Variants in TAS2R1 observed in about 807,000 individuals in gnomAD.
TAS2R1 encodes taste 2 receptor member 1, also known as taste receptor type 2 member 1.
For synonymous variants in TAS2R1, 141 were observed against 134.2 expected (o/e 1.05, Z -0.35); for missense variants, 370 against 353.4 (o/e 1.05, Z -0.38).
At chr5:9,902,586 G>A in the TAS2R1 span, 1 of 152,018 alleles carries the variant, frequency 6.6e-6, no homozygotes. Flanking sequence ...ATAGAGGTGA[G>A]GTCACAGGGC....
chr5:9,873,205 C>T, the TAS2R1 span, among the ~76,000 whole-genome samples: 27 of 152,220 alleles, frequency 1.8e-4, no homozygotes, highest in South Asian at 6.2e-4. Context: ...ACTAGGCTGG[C>T]GCTGTCCACT....
the TAS2R1 span, among the ~76,000 whole-genome samples, chr5:9,723,716 C>T: frequency 6.6e-6 from 1 of 152,228 alleles, no homozygotes; most frequent in Non-Finnish European, 1.5e-5. Flanking sequence ...TCTCAGCTTT[C>T]TGGTGCACCT....
At chr5:9,743,252 T>G in the TAS2R1 span, among the ~76,000 whole-genome samples, 4 of 152,184 alleles carry the variant, frequency 2.6e-5, no homozygotes, top group South Asian at 4.1e-4. Context: ...CCCCTCTGGA[T>G]GCTAATGAAA....
At chr5:9,716,563 ATG>A (rs1734817391), upstream of TAS2R1, among the ~76,000 whole-genome samples, 1 of 139,054 alleles carries the variant, frequency 7.2e-6, no homozygotes. Flanking sequence ...ATATATATAT[ATG>A]CTTACAGTTA....
In TAS2R1 at chr5:9,663,271, C is replaced by T. The variant is rs563474734; in HGVS notation, c.-241-3690G>A. 2.3e-4 allele frequency among the ~76,000 whole-genome samples: 35 copies of T among 152,244 alleles called. 1 individual carries two copies. In the South Asian group the frequency reaches 6.8e-3, roughly 30 times the overall value. On this transcript the variant is annotated intron_variant, in intron 1 of 2. Coordinates refer to the TAS2R1 transcript ENST00000506620. ...AATACTGAATCACTACAATCTCCAACTAAAATTGTCTGACTCAACTAAGGC... is the reference window on the plus strand; with the variant it reads ...AATACTGAATCACTACAATCTCCAATTAAAATTGTCTGACTCAACTAAGGC...
Position 9,703,438 on chromosome 5 carries a change from G to C in TAS2R1, c.-242+8734C>G, listed in dbSNP as rs575171369. Reference sequence around the variant, plus strand: ...ATTTGATAGAAGGGGAGTTGTTCCAGGGAGCCTGTACTCTGTAGAGCGTCA... The same window carrying C: ...ATTTGATAGAAGGGGAGTTGTTCCACGGAGCCTGTACTCTGTAGAGCGTCA... On this transcript the variant is annotated intron_variant, in intron 1 of 2. Transcript: ENST00000506620. Among the ~76,000 whole-genome samples, 6 of 152,280 alleles carry C rather than the reference G, an allele frequency of 3.9e-5. No homozygotes were observed. The East Asian group carries it at 7.7e-4, about 20-fold the overall frequency.
chr5:9,731,405 G>A, the TAS2R1 span, among the ~76,000 whole-genome samples: 1 of 151,946 alleles, frequency 6.6e-6, no homozygotes, highest in African/African-American at 2.4e-5. Context: ...TGTTGCCCTC[G>A]TGGTAGGGAC....
chr5:9,675,883 A>G (rs1320885067), intron 1 of TAS2R1, among the ~76,000 whole-genome samples: 1 of 152,108 alleles, frequency 6.6e-6, no homozygotes, highest in Non-Finnish European at 1.5e-5. Context: ...TAGGAATTCC[A>G]GTGTTATGTT....
the TAS2R1 span, among the ~76,000 whole-genome samples, chr5:9,741,126 T>C: frequency 6.6e-6 from 1 of 152,178 alleles, no homozygotes; most frequent in Non-Finnish European, 1.5e-5. Context: ...TATTATATTA[T>C]ATATTTTATG....
At chr5:9,822,494 T>G in the TAS2R1 span, among the ~76,000 whole-genome samples, 1 of 151,834 alleles carries the variant, frequency 6.6e-6, no homozygotes, top group Non-Finnish European at 1.5e-5. Context: ...GGACTACAGG[T>G]GTGTGCCACC....
intron 1 of TAS2R1, among the ~76,000 whole-genome samples, chr5:9,706,591 T>G (rs959219248): frequency 2.0e-5 from 3 of 152,158 alleles, no homozygotes; most frequent in Non-Finnish European, 2.9e-5. Flanking sequence ...TCTTTCTCAT[T>G]AAGGGAGACA....
At chr5:9,669,021 C>G (rs986506737) in intron 1 of TAS2R1, among the ~76,000 whole-genome samples, 4 of 152,148 alleles carry the variant, frequency 2.6e-5, no homozygotes, top group Non-Finnish European at 5.9e-5. Flanking sequence ...AGAGACCTGT[C>G]TAACATATAA....
the TAS2R1 span, among the ~76,000 whole-genome samples, chr5:9,746,761 C>T: frequency 6.6e-6 from 1 of 151,940 alleles, no homozygotes; most frequent in Non-Finnish European, 1.5e-5. Context: ...TACGAAGGCC[C>T]ATCAGTGGGT....
At chr5:9,780,890 G>A in the TAS2R1 span, among the ~76,000 whole-genome samples, 3,473 of 152,270 alleles carry the variant, frequency 0.023, 135 homozygotes, top group African/African-American at 0.079. Context: ...CGAAAACTGA[G>A]GTTTCCCAGA....
intron 2 of TAS2R1, chr5:9,641,315 T>C (rs868798234): frequency 3.9e-5 from 6 of 152,212 alleles, no homozygotes; most frequent in African/African-American, 9.6e-5. Context: ...CAATTCTTCA[T>C]AGAGAACTTT....
chr5:9,637,303 A>T (rs1201179979), intron 2 of TAS2R1, among the ~76,000 whole-genome samples: 1 of 152,196 alleles, frequency 6.6e-6, no homozygotes, highest in Non-Finnish European at 1.5e-5. Flanking sequence ...TCTGCTGTTA[A>T]TCTGATAGGT....
chr5:9,841,028 C>T, the TAS2R1 span, among the ~76,000 whole-genome samples: 1 of 152,010 alleles, frequency 6.6e-6, no homozygotes, highest in African/African-American at 2.4e-5. Context: ...ATTCACAAAG[C>T]ACATAAATCT....
intron 1 of TAS2R1, among the ~76,000 whole-genome samples, chr5:9,686,679 A>G (rs2126514418): frequency 6.6e-6 from 1 of 152,332 alleles, no homozygotes; most frequent in Non-Finnish European, 1.5e-5. Context: ...GTCACTATAA[A>G]GGGCCAACAT....
chr5:9,853,729 T>C, the TAS2R1 span, among the ~76,000 whole-genome samples: 2 of 152,016 alleles, frequency 1.3e-5, no homozygotes, highest in Non-Finnish European at 2.9e-5. Context: ...GAATAAACCT[T>C]TGCTGGAGAA....
Sources: allele counts gnomAD v4.1 joint callset (sites outside exome capture counted in the v4.1 genomes callset), GRCh38; gene constraint gnomAD v4.1.1; transcripts MANE v1.5; gene names NCBI Gene and HGNC (gene_info 2026-07-23, HGNC 2026-07-21).